The following HMBOX1 variants were observed in gnomAD, a reference collection of about 807,000 sequenced individuals.
The protein encoded by HMBOX1 is homeobox-containing protein 1.
HMBOX1 carries 14 observed loss-of-function variants against 54.5 expected under a neutral mutation model. The observed-to-expected ratio is 0.26, with a 90% confidence interval of 0.17 to 0.40. HMBOX1 has a LOEUF of 0.40. Ranked by LOEUF, HMBOX1 falls within the 10% of genes least tolerant of loss-of-function variation. The probability of loss-of-function intolerance (pLI) is 1.00; values close to 1 mark genes in which losing one functional copy is unlikely to be tolerated. For synonymous variants in HMBOX1, 160 were observed against 181.0 expected (o/e 0.88, Z 0.93); for missense variants, 332 against 514.4 (o/e 0.65, Z 3.43).
At chr8:28,890,134 G>A (rs914139655), upstream of HMBOX1, 3 of 535,486 alleles carry the variant, frequency 5.6e-6, no homozygotes, top group East Asian at 6.5e-5. Flanking sequence ...CATCCCAGCC[G>A]CCAATGCATC....
At position 29,009,054 on chromosome 8, in the gene HMBOX1, A is replaced by G. The variant is rs779127347; in HGVS notation, c.587-18A>G. On this transcript the variant is annotated intron_variant, in intron 4 of 9. Transcript: ENST00000287701. ...GTAATTTCAGTGCCCCCCAAAACCT[A>G]TTTCTCTTTCTACATAGGTATCAGT... 15 of 1,591,170 alleles carry G rather than the reference A, an allele frequency of 9.4e-6. No homozygotes were observed. The South Asian group carries it at 1.0e-4, about 11-fold the overall frequency.
At chr8:28,920,849 T>TTA (rs1465857783) in intron 1 of HMBOX1, among the ~76,000 whole-genome samples, 20 of 152,292 alleles carry the variant, frequency 1.3e-4, no homozygotes, top group Middle Eastern at 3.4e-3. Context: ...TAAGTGAAAT[T>TTA]TAAGTAGAGA....
chr8:29,035,777 T>G (rs150099882), intron 6 of HMBOX1, among the ~76,000 whole-genome samples: 84 of 152,356 alleles, frequency 5.5e-4, no homozygotes, highest in African/African-American at 1.9e-3. Flanking sequence ...AAATACTTGC[T>G]AAATTCAGCG....
chr8:28,942,104 C>G (rs561195021), intron 1 of HMBOX1, among the ~76,000 whole-genome samples: 14 of 152,212 alleles, frequency 9.2e-5, no homozygotes, highest in Non-Finnish European at 1.6e-4. Context: ...GTCTTTAGTG[C>G]TTCAGAGCTG....
At chr8:29,024,682 A>T (rs929972416) in intron 6 of HMBOX1, among the ~76,000 whole-genome samples, 5 of 152,248 alleles carry the variant, frequency 3.3e-5, no homozygotes, top group Admixed American at 6.5e-5. Flanking sequence ...ATTGATAATT[A>T]TACGAAATTA....
At chr8:28,939,829 A>G (rs535495564) in intron 1 of HMBOX1, among the ~76,000 whole-genome samples, 1 of 151,988 alleles carries the variant, frequency 6.6e-6, no homozygotes, top group Non-Finnish European at 1.5e-5. Flanking sequence ...GTTAAAAAAC[A>G]CCAGCCCTAA....
chr8:29,022,007 AC>A (rs1408099687), intron 6 of HMBOX1, among the ~76,000 whole-genome samples: 1 of 152,240 alleles, frequency 6.6e-6, no homozygotes, highest in Admixed American at 6.5e-5. Context: ...AGAGAAACAG[AC>A]ACTCTCATAC....
intron 6 of HMBOX1, among the ~76,000 whole-genome samples, chr8:29,020,180 C>T (rs1249406891): frequency 6.6e-6 from 1 of 152,196 alleles, no homozygotes; most frequent in Non-Finnish European, 1.5e-5. Context: ...GAACTTGGCA[C>T]ACAGCAGATG....
chr8:29,049,212 A>G, intron 9 of HMBOX1, 164 bp downstream of exon 9: 1 of 1,501,432 alleles, frequency 6.7e-7, no homozygotes, highest in Non-Finnish European at 8.9e-7. Flanking sequence ...TTTGAAAGGA[A>G]TGTGGTAAGA....
At chr8:29,013,274 T>C (rs1834447109) in intron 5 of HMBOX1, among the ~76,000 whole-genome samples, 1 of 152,166 alleles carries the variant, frequency 6.6e-6, no homozygotes, top group African/African-American at 2.4e-5. Flanking sequence ...TAGCTGGGAT[T>C]ACAGGCACGT....
chr8:28,997,461 A>G (rs1197780802), intron 4 of HMBOX1, among the ~76,000 whole-genome samples: 3 of 152,196 alleles, frequency 2.0e-5, no homozygotes, highest in South Asian at 2.1e-4. Context: ...GTCATGGTTT[A>G]TAATCCTTTA....
chr8:29,022,874 T>C (rs374674620), intron 6 of HMBOX1, among the ~76,000 whole-genome samples: 1 of 2,774 alleles, frequency 3.6e-4, no homozygotes, highest in Admixed American at 4.8e-3. Flanking sequence ...AGGGAAAAAA[T>C]GGGGGGGAGG....
At chr8:28,960,664 CCT>C (rs1244913132) in intron 1 of HMBOX1, among the ~76,000 whole-genome samples, 4 of 145,888 alleles carry the variant, frequency 2.7e-5, no homozygotes, top group Admixed American at 2.1e-4. Context: ...TGCTTTATTA[CCT>C]CTCATGTTAT....
chr8:28,980,787 T>C (rs2132479471), intron 4 of HMBOX1, among the ~76,000 whole-genome samples: 1 of 152,306 alleles, frequency 6.6e-6, no homozygotes, highest in Middle Eastern at 3.4e-3. Context: ...ATGTGTGATC[T>C]TCCTTTCTTA....
At chr8:28,969,363 A>G (rs1215580814) in intron 2 of HMBOX1, among the ~76,000 whole-genome samples, 1 of 152,224 alleles carries the variant, frequency 6.6e-6, no homozygotes, top group Non-Finnish European at 1.5e-5. Flanking sequence ...TTTGGCTACA[A>G]CCATGAAAGA....
intron 1 of HMBOX1, among the ~76,000 whole-genome samples, chr8:28,921,040 C>A (rs1817472377): frequency 6.6e-6 from 1 of 152,160 alleles, no homozygotes; most frequent in Admixed American, 6.5e-5. Context: ...CATTTAAAAT[C>A]ATCCCTAAAC....
intron 1 of HMBOX1, among the ~76,000 whole-genome samples, chr8:28,936,759 A>T (rs1044166582): frequency 2.0e-4 from 30 of 151,542 alleles, no homozygotes; most frequent in Admixed American, 4.6e-4. Context: ...TACACAGGTT[A>T]AGAATATTTT....
chr8:28,955,282 A>T (rs537950628), intron 1 of HMBOX1, among the ~76,000 whole-genome samples: 4 of 151,794 alleles, frequency 2.6e-5, no homozygotes, highest in African/African-American at 9.7e-5. Context: ...GGCCATTCAC[A>T]TATCCTTCCT....
chr8:29,025,276 G>C (rs1801851079), intron 6 of HMBOX1, among the ~76,000 whole-genome samples: 1 of 152,214 alleles, frequency 6.6e-6, no homozygotes, highest in Non-Finnish European at 1.5e-5. Context: ...CTGGGAGACA[G>C]TACCTGCCAT....
Sources: allele counts gnomAD v4.1 joint callset (sites outside exome capture counted in the v4.1 genomes callset), GRCh38; gene constraint gnomAD v4.1.1; transcripts MANE v1.5; gene names NCBI Gene and HGNC (gene_info 2026-07-23, HGNC 2026-07-21).